RAP1B: variants seen among roughly 807,000 people sequenced by gnomAD.
RAP1B encodes the protein ras-related protein Rap-1b.
In RAP1B, 1 loss-of-function variant was observed where a neutral mutation model predicts 27.5. That is an observed-to-expected ratio of 0.04 (90% CI 0.01 to 0.17). The LOEUF is 0.17. Among genes scored for constraint, RAP1B ranks in the 10% least tolerant of loss-of-function variants. The pLI is 1.00. For missense variants in RAP1B, 84 were observed against 214.8 expected, an observed-to-expected ratio of 0.39 and a Z score of 3.81; for synonymous variants, 75 against 73.1, an observed-to-expected ratio of 1.03 and a Z score of -0.13.
chr12:68,654,008 A>C (rs1874015585), intron 4 of RAP1B, 104 bp from the exon 5 acceptor site: 1 of 957,778 alleles, frequency 1.0e-6, no homozygotes, highest in African/African-American at 1.7e-5. Context: ...AAGTTACATA[A>C]TACTACAGTA....
intron 1 of RAP1B, 36 bp downstream of exon 1, chr12:68,611,079 C>T (rs1373352858): frequency 8.3e-6 from 2 of 241,780 alleles, no homozygotes; most frequent in Non-Finnish European, 1.6e-5. Context: ...TGAGGGAAGC[C>T]GCGGCGGCGG....
intron 1 of RAP1B, among the ~76,000 whole-genome samples, chr12:68,633,831 C>G (rs1872438244): frequency 6.6e-6 from 1 of 152,168 alleles, no homozygotes. Context: ...GATCGTGCCA[C>G]TGCACTCCAG....
intron 7 of RAP1B, 144 bp from the exon 8 acceptor site, chr12:68,659,136 A>T: frequency 2.7e-6 from 1 of 371,128 alleles, no homozygotes; most frequent in Non-Finnish European, 5.3e-6. Context: ...GAATTGTGGT[A>T]TGTTGCCACT....
chr12:68,624,884 G>C (rs1871638468), intron 1 of RAP1B: 1 of 152,246 alleles, frequency 6.6e-6, no homozygotes, highest in Admixed American at 6.5e-5. Context: ...GTAAGTATCT[G>C]AAGAGGCTAC....
chr12:68,627,270 T>C (rs1056662313), intron 1 of RAP1B: 1 of 933,656 alleles, frequency 1.1e-6, no homozygotes, highest in East Asian at 2.4e-5. Context: ...ACCCATACAA[T>C]ACAACACACA....
In RAP1B at chr12:68,665,332, C is replaced by A. The variant is rs1049660586; in HGVS notation, c.*6083C>A. ...TTAACACAGCCAGCTTGTCAGCTAC[C>A]TTTGAACATGTATTTTCTGTGCAGT... is the stretch of plus-strand genomic sequence containing the variant. On this transcript the variant is annotated 3_prime_UTR_variant, in exon 8 of 8. Transcript: ENST00000250559. 1 of 152,174 alleles carries A rather than the reference C, an allele frequency of 6.6e-6. No individual in the cohort carries two copies. The highest frequency in any genetic ancestry group is 1.5e-5 in the Non-Finnish European group (1 of 68,058). The allele number at this position is 152,174 out of a possible 1,614,324, so 9.4% of individuals were successfully genotyped here. A position where few individuals can be genotyped will look rare whatever the true frequency, so the allele number is the denominator to read the frequency against.
intron 6 of RAP1B, among the ~76,000 whole-genome samples, chr12:68,656,813 T>TA (rs1394495102): frequency 6.6e-6 from 1 of 152,292 alleles, no homozygotes; most frequent in African/African-American, 2.4e-5. Flanking sequence ...AGCAAAAACT[T>TA]ACAGTTTTTA....
Position 68,665,419 on chromosome 12 carries a change from G to A in RAP1B, c.*6170G>A, listed in dbSNP as rs1874806534. On this transcript the variant is annotated 3_prime_UTR_variant, in exon 8 of 8. Coordinates refer to ENST00000250559, the MANE Select transcript of RAP1B (RefSeq NM_001010942.3). ...TGGAGGCAACTGAAACCATGAGTGT[G>A]AATGAAATTATTTTCGTAAGAATTA... 6.6e-6 allele frequency: 1 copy of A among 152,192 alleles called. No homozygotes were observed. Among genetic ancestry groups the A allele is most frequent in the Admixed American group, 6.5e-5 (1 of 15,270 alleles). The allele number at this position is 152,192 out of a possible 1,614,324, so 9.4% of individuals were successfully genotyped here. A position where few individuals can be genotyped will look rare whatever the true frequency, so the allele number is the denominator to read the frequency against.
chr12:68,613,407 AAGG>A (rs1476888659), intron 1 of RAP1B, among the ~76,000 whole-genome samples: 15 of 151,100 alleles, frequency 9.9e-5, no homozygotes, highest in African/African-American at 3.6e-4. Context: ...AAAAAAAAAA[AAGG>A]AGATAAGAAA....
chr12:68,620,195 ATTTTTTTATT>A (rs1565656896), intron 1 of RAP1B, among the ~76,000 whole-genome samples: 2 of 148,790 alleles, frequency 1.3e-5, no homozygotes, highest in Non-Finnish European at 3.0e-5. Context: ...TGGTTTTTTT[ATTTTTTTATT>A]TTTTTTTATT....
chr12:68,648,618 T>G, intron 1 of RAP1B, 81 bp from the exon 2 acceptor site: 1 of 1,112,666 alleles, frequency 9.0e-7, no homozygotes, highest in East Asian at 2.6e-5. Flanking sequence ...AAATCTATTT[T>G]CCTGAATGTT....
At chr12:68,614,520 A>G (rs534638511) in intron 1 of RAP1B, among the ~76,000 whole-genome samples, 3 of 152,338 alleles carry the variant, frequency 2.0e-5, no homozygotes, top group Admixed American at 2.0e-4. Flanking sequence ...TGTTCACTCT[A>G]TAGAAAAGTT....
chr12:68,652,910 G>A lies in RAP1B; in HGVS notation c.183+859G>A, dbSNP rs1029561765. ...CATACATTCATTCATCAGCAGCTGT[G>A]TGAAATATTTTGATTGAGCTGGGTA... On this transcript the variant is annotated intron_variant, in intron 4 of 7. Transcript: ENST00000250559. Among the ~76,000 whole-genome samples, 5 of 152,104 alleles carry A rather than the reference G, an allele frequency of 3.3e-5. 1 individual carries two copies. In the South Asian group the frequency reaches 1.0e-3, roughly 32 times the overall value.
intron 1 of RAP1B, among the ~76,000 whole-genome samples, chr12:68,616,122 C>G (rs1168928169): frequency 6.6e-6 from 1 of 151,242 alleles, no homozygotes; most frequent in Non-Finnish European, 1.5e-5. Context: ...CGCCACCACA[C>G]CTGGCTAATT....
chr12:68,631,496 CAG>C (rs1451843583), intron 1 of RAP1B, among the ~76,000 whole-genome samples: 1 of 152,134 alleles, frequency 6.6e-6, no homozygotes, highest in Non-Finnish European at 1.5e-5. Flanking sequence ...TTAAATGAGT[CAG>C]AGCTCTTCAC....
chr12:68,650,690 T>C (rs912794092), intron 3 of RAP1B: 3 of 312,008 alleles, frequency 9.6e-6, no homozygotes, highest in African/African-American at 2.2e-5. Context: ...ATTTGACACA[T>C]AAACTTTAAA....
chr12:68,646,827 A>G (rs1463388606), intron 1 of RAP1B, among the ~76,000 whole-genome samples: 1 of 152,132 alleles, frequency 6.6e-6, no homozygotes, highest in Non-Finnish European at 1.5e-5. Context: ...GTGGGCTTGC[A>G]TTTCTTCGAA....
In RAP1B at chr12:68,654,354, G is replaced by A. The variant is rs554633328; in HGVS notation, c.324+102G>A. ...TTTAAAGCTTGTGTATTTTGGTTGG[G>A]GGGGGGGTGTTGGTTTTTTTAAACT... On this transcript the variant is annotated intron_variant, in intron 5 of 7. Coordinates refer to ENST00000250559, the MANE Select transcript of RAP1B (RefSeq NM_001010942.3). 8.3e-4 allele frequency: 389 copies of A among 468,782 alleles called. 21 individuals are homozygous for A. The highest frequency in any genetic ancestry group is 7.2e-3 in the African/African-American group (345 of 47,742). 29.0% of individuals were successfully genotyped at this position (468,782 alleles called of 1,614,324 possible).
rs531537960 is a variant in RAP1B at position 68,642,870 on chromosome 12, A to G, written c.-26-5829A>G. The G allele has an allele frequency of 7.0e-6, 7 of 992,920 alleles. No homozygotes were observed. In the East Asian group the frequency reaches 1.4e-4, roughly 20 times the overall value. 61.5% of individuals were successfully genotyped at this position (992,920 alleles called of 1,614,324 possible). On this transcript the variant is annotated intron_variant, in intron 1 of 7. Transcript: ENST00000250559. ...GGTGGATTCTCAGGTAAAGCAGCCA[A>G]CCTGGAGGTGAGGGTCTCATTCCAG...
Sources: gnomAD v4.1 joint callset for allele counts (sites outside exome capture counted in the v4.1 genomes callset) on GRCh38, gnomAD v4.1.1 for gene constraint, MANE v1.5 for transcripts, NCBI Gene and HGNC (gene_info 2026-07-23, HGNC 2026-07-21) for gene names.